PPFIA2: variants seen among roughly 807,000 people sequenced by gnomAD.
PPFIA2 encodes the protein PPFI scaffold protein A2.
Under a neutral mutation model 175.5 loss-of-function variants are expected in PPFIA2, and 46 were observed. That is an observed-to-expected ratio of 0.26 (90% CI 0.21 to 0.34). The LOEUF (loss-of-function observed/expected upper bound fraction) is 0.34. Among genes scored for constraint, PPFIA2 ranks in the 10% least tolerant of loss-of-function variants. PPFIA2 has a pLI of 1.00. For synonymous variants in PPFIA2, 568 were observed against 511.4 expected (o/e 1.11, Z -1.49); for missense variants, 1,179 against 1,506.1 (o/e 0.78, Z 3.60).
chr12:81,676,431 G>A (rs1421736913), intron 4 of PPFIA2, among the ~76,000 whole-genome samples: 1 of 151,850 alleles, frequency 6.6e-6, no homozygotes, highest in Admixed American at 6.6e-5. Context: ...TTATCACATG[G>A]ACATAATTTT....
chr12:81,707,366 T>C lies in PPFIA2; in HGVS notation c.250-30522A>G, dbSNP rs1361934542. The stretch of plus-strand genomic sequence containing the variant: ...CCCATCAAAAAGTGGGCGAAGGACA[T>C]GAACAGTCACTTCTCAGAAGAAGAC... On this transcript the variant is annotated intron_variant, in intron 3 of 32. Coordinates refer to ENST00000549396, the MANE Select transcript of PPFIA2 (RefSeq NM_003625.5). Among the ~76,000 whole-genome samples the C allele has an allele frequency of 2.0e-5, 3 of 152,094 alleles. No individual in the cohort carries two copies. The East Asian group carries it at 5.8e-4, about 29-fold the overall frequency.
At chr12:81,591,964 C>T (rs765640642) in intron 4 of PPFIA2, among the ~76,000 whole-genome samples, 2 of 152,130 alleles carry the variant, frequency 1.3e-5, no homozygotes, top group Non-Finnish European at 2.9e-5. Flanking sequence ...GCCACAGGCA[C>T]TCAACACTGG....
chr12:81,436,123 CAA>C (rs1043021287), intron 7 of PPFIA2, among the ~76,000 whole-genome samples: 1 of 149,140 alleles, frequency 6.7e-6, no homozygotes, highest in African/African-American at 2.5e-5. Context: ...ATAAAGAATA[CAA>C]AAAAAATTGG....
chr12:81,607,966 C>T (rs1219371900), intron 4 of PPFIA2, among the ~76,000 whole-genome samples: 2 of 151,974 alleles, frequency 1.3e-5, no homozygotes, highest in South Asian at 2.1e-4. Context: ...GAGGTATATT[C>T]CTTTGATGCC....
At chr12:81,570,157 C>G (rs1049948103) in intron 4 of PPFIA2, among the ~76,000 whole-genome samples, 1 of 152,102 alleles carries the variant, frequency 6.6e-6, no homozygotes, top group African/African-American at 2.4e-5. Context: ...TGGTTAACAT[C>G]ATATATATTA....
chr12:81,618,786 C>A (rs921042907), intron 4 of PPFIA2, among the ~76,000 whole-genome samples: 1 of 152,100 alleles, frequency 6.6e-6, no homozygotes, highest in Admixed American at 6.5e-5. Flanking sequence ...CCCGCCTCGG[C>A]CTCCCAAAGT....
intron 31 of PPFIA2, among the ~76,000 whole-genome samples, 170 bp downstream of exon 31, chr12:81,263,061 C>T (rs1436062901): frequency 1.3e-5 from 2 of 152,154 alleles, no homozygotes; most frequent in Non-Finnish European, 2.9e-5. Flanking sequence ...GCCATGAGTT[C>T]ATGCAATAGC....
intron 4 of PPFIA2, among the ~76,000 whole-genome samples, chr12:81,503,564 A>G (rs1033528812): frequency 4.6e-5 from 7 of 151,952 alleles, no homozygotes; most frequent in African/African-American, 1.4e-4. Flanking sequence ...AAAAAAAAAA[A>G]AGTTTCATTC....
intron 18 of PPFIA2, 27 bp downstream of exon 18, chr12:81,347,506 A>C (rs1433153406): frequency 1.3e-6 from 2 of 1,552,762 alleles, no homozygotes; most frequent in Admixed American, 1.7e-5. Flanking sequence ...AACAGGAGGC[A>C]AAGGTTCTCT....
chr12:81,483,574 G>A (rs2058488272), intron 4 of PPFIA2, among the ~76,000 whole-genome samples: 1 of 151,972 alleles, frequency 6.6e-6, no homozygotes, highest in African/African-American at 2.4e-5. Context: ...AGAAGAGGGT[G>A]ATGCACATGA....
intron 4 of PPFIA2, among the ~76,000 whole-genome samples, chr12:81,610,658 A>T (rs2060803536): frequency 6.6e-6 from 1 of 151,872 alleles, no homozygotes; most frequent in South Asian, 2.1e-4. Context: ...GATTTTTTGG[A>T]TGGGTTTACT....
At chr12:81,335,893 C>T (rs1230818508) in intron 21 of PPFIA2, among the ~76,000 whole-genome samples, 12 of 152,108 alleles carry the variant, frequency 7.9e-5, no homozygotes, top group Admixed American at 7.9e-4. Flanking sequence ...TCAATTGTGG[C>T]CTTCAGGTAA....
chr12:81,566,530 C>CAAAAAAAAA (rs3075452), intron 4 of PPFIA2, among the ~76,000 whole-genome samples: 369 of 68,372 alleles, frequency 5.4e-3, no homozygotes, highest in Middle Eastern at 0.036. Context: ...GACTCCAACT[C>CAAAAAAAAA]AAAAAAAAAA....
chr12:81,507,701 C>T (rs905749284), intron 4 of PPFIA2, among the ~76,000 whole-genome samples: 2 of 152,292 alleles, frequency 1.3e-5, no homozygotes, highest in African/African-American at 4.8e-5. Context: ...CTGATCTTTG[C>T]TTCTGTCCCT....
chr12:81,504,513 T>C (rs1381158228), intron 4 of PPFIA2, among the ~76,000 whole-genome samples: 4 of 152,192 alleles, frequency 2.6e-5, no homozygotes, highest in African/African-American at 7.2e-5. Flanking sequence ...GGAGAGGACA[T>C]GGAGAAATAG....
rs373339823 is a variant in PPFIA2 at position 81,422,186 on chromosome 12, A to T, written c.646-16283T>A. On this transcript the variant is annotated intron_variant, in intron 7 of 32. Coordinates refer to ENST00000549396, the MANE Select transcript of PPFIA2 (RefSeq NM_003625.5). ...TATATATATATATGTCATTTTCATG[A>T]GATCTCAGATGAAAACGAGAAACAA... Among the ~76,000 whole-genome samples, 6 of 150,248 alleles carry T rather than the reference A, an allele frequency of 4.0e-5. 1 individual carries two copies. The highest frequency in any genetic ancestry group is 1.5e-4 in the African/African-American group (6 of 40,962).
chr12:81,478,877 G>A (rs2057827056), intron 4 of PPFIA2, among the ~76,000 whole-genome samples: 4 of 152,126 alleles, frequency 2.6e-5, no homozygotes, highest in Admixed American at 2.6e-4. Context: ...GTGGTGCTGA[G>A]AAGAATGTAT....
chr12:81,400,153 C>T (rs1436802282), intron 8 of PPFIA2, among the ~76,000 whole-genome samples: 1 of 152,098 alleles, frequency 6.6e-6, no homozygotes, highest in African/African-American at 2.4e-5. Flanking sequence ...AAACTTTTAA[C>T]TGGACAGCTG....
intron 8 of PPFIA2, among the ~76,000 whole-genome samples, chr12:81,400,545 T>A (rs1026120894): frequency 2.6e-5 from 4 of 152,180 alleles, no homozygotes; most frequent in African/African-American, 9.6e-5. Flanking sequence ...AATTCTTCTA[T>A]CTGACAAGAA....
Sources: allele counts gnomAD v4.1 joint callset (sites outside exome capture counted in the v4.1 genomes callset), GRCh38; gene constraint gnomAD v4.1.1; transcripts MANE v1.5; gene names NCBI Gene and HGNC (gene_info 2026-07-23, HGNC 2026-07-21).